The following NCAM1 variants were observed in gnomAD, a reference collection of about 807,000 sequenced individuals.
NCAM1 encodes the protein antigen recognized by monoclonal antibody 5.1H11.
In NCAM1, 14 loss-of-function variants were observed where a neutral mutation model predicts 109.8. The observed-to-expected ratio is 0.13, with a 90% CI of 0.08 to 0.20. The LOEUF is 0.20. Among genes scored for constraint, NCAM1 ranks in the 10% least tolerant of loss-of-function variants. NCAM1 has a pLI of 1.00. For synonymous variants in NCAM1, 418 were observed against 442.9 expected, an observed-to-expected ratio of 0.94 and a Z score of 0.70; for missense variants, 774 against 1,109.9, an observed-to-expected ratio of 0.70 and a Z score of 4.30.
rs1937622696 is a variant in NCAM1, at chr11:113,061,070, C to T, written c.52+99406C>T. 2.0e-5 allele frequency among the ~76,000 whole-genome samples: 3 copies of T among 152,162 alleles called. 1 individual carries two copies. In the South Asian group the frequency reaches 6.2e-4, roughly 32 times the overall value. On this transcript the variant is annotated intron_variant, in intron 1 of 19. Coordinates refer to ENST00000316851, the MANE Select transcript of NCAM1 (RefSeq NM_181351.5). ...TTTAATCAACACCTCTCCATTTCCT[C>T]CTCCCTACAACCCCTAGCCACTACC...
chr11:113,001,675 A>G (rs538898921), intron 1 of NCAM1, among the ~76,000 whole-genome samples: 1 of 152,186 alleles, frequency 6.6e-6, no homozygotes, highest in South Asian at 2.1e-4. Flanking sequence ...CTCATTTGCC[A>G]TTGTAGGCCG....
chr11:113,271,369 C>CAAAAAAAA (rs71060298), intron 18 of NCAM1, among the ~76,000 whole-genome samples: 11 of 66,878 alleles, frequency 1.6e-4, no homozygotes, highest in African/African-American at 3.2e-4. Context: ...GACTCTGTCT[C>CAAAAAAAA]AAAAAAAAAA....
intron 1 of NCAM1, among the ~76,000 whole-genome samples, chr11:113,001,576 G>T (rs567673838): frequency 6.6e-6 from 1 of 152,260 alleles, no homozygotes; most frequent in East Asian, 1.9e-4. Context: ...GGGTGTGTCT[G>T]GTTGTGAAGC....
intron 15 of NCAM1, among the ~76,000 whole-genome samples, chr11:113,254,448 T>C (rs2137562947): frequency 6.6e-6 from 1 of 152,338 alleles, no homozygotes; most frequent in African/African-American, 2.4e-5. Context: ...TGCACAGAGA[T>C]CACTGGAAGG....
intron 1 of NCAM1, among the ~76,000 whole-genome samples, chr11:113,044,617 G>A (rs1052992662): frequency 9.9e-5 from 15 of 151,984 alleles, no homozygotes; most frequent in African/African-American, 3.6e-4. Context: ...TCTGGGAGGC[G>A]GAGGTTGCAA....
chr11:112,970,218 A>T (rs1429929295), intron 1 of NCAM1, among the ~76,000 whole-genome samples: 1 of 152,190 alleles, frequency 6.6e-6, no homozygotes, highest in African/African-American at 2.4e-5. Context: ...GTTTAAGAGG[A>T]TAGTTAACAA....
chr11:113,252,235 G>A (rs1945700537), intron 15 of NCAM1, among the ~76,000 whole-genome samples: 1 of 152,188 alleles, frequency 6.6e-6, no homozygotes, highest in South Asian at 2.1e-4. Flanking sequence ...GTAACACAGT[G>A]AGACCCCATC....
intron 1 of NCAM1, among the ~76,000 whole-genome samples, chr11:113,160,278 T>C (rs991134967): frequency 6.6e-6 from 1 of 152,180 alleles, no homozygotes; most frequent in Non-Finnish European, 1.5e-5. Context: ...ATGAATGCAA[T>C]CATGGAGCTA....
At chr11:113,178,513 C>T (rs1943238110) in intron 1 of NCAM1, among the ~76,000 whole-genome samples, 1 of 152,216 alleles carries the variant, frequency 6.6e-6, no homozygotes, top group African/African-American at 2.4e-5. Context: ...GGTCTCGCCT[C>T]ATATCCGTGG....
In NCAM1 at chr11:113,030,098, A is replaced by G. The variant is rs999749788; in HGVS notation, c.52+68434A>G. On this transcript the variant is annotated intron_variant, in intron 1 of 19. Transcript: ENST00000316851. ...GGAGCACCAGAAGCTCTGTGACCCC[A>G]GGCAAGTTATTTAAAACTTTCTGCA... 2.6e-5 allele frequency among the ~76,000 whole-genome samples: 4 copies of G among 152,226 alleles called. No individual in the cohort carries two copies. The East Asian group carries it at 7.7e-4, about 29-fold the overall frequency.
At chr11:113,272,289 C>T (rs899072542) in intron 19 of NCAM1, among the ~76,000 whole-genome samples, 6 of 152,094 alleles carry the variant, frequency 3.9e-5, no homozygotes, top group African/African-American at 1.4e-4. Flanking sequence ...GTTCTCTGCC[C>T]CTCCTCTGTT....
intron 1 of NCAM1, among the ~76,000 whole-genome samples, chr11:113,175,213 T>G (rs1943109259): frequency 6.6e-6 from 1 of 152,210 alleles, no homozygotes; most frequent in Admixed American, 6.5e-5. Context: ...CACGAGGAGT[T>G]GATGGAAGCT....
intron 1 of NCAM1, among the ~76,000 whole-genome samples, chr11:112,980,048 G>C (rs2155284): frequency 0.45 from 68,345 of 151,444 alleles, 16,300 homozygotes; most frequent in East Asian, 0.8. Context: ...GAAAAATCCA[G>C]AGCTAACATA....
intron 1 of NCAM1, among the ~76,000 whole-genome samples, chr11:113,116,774 CTCTT>C (rs781875254): frequency 3.8e-4 from 58 of 151,728 alleles, no homozygotes; most frequent in Non-Finnish European, 6.0e-4. Flanking sequence ...CTTCAAGAGG[CTCTT>C]TCTATGTCCT....
intron 9 of NCAM1, among the ~76,000 whole-genome samples, chr11:113,224,492 A>C (rs1443510790): frequency 1.3e-5 from 2 of 152,096 alleles, no homozygotes; most frequent in Non-Finnish European, 2.9e-5. Flanking sequence ...CCTCTTGTAG[A>C]CTCCACCTCT....
At chr11:113,214,230 G>C in intron 7 of NCAM1, 139 bp from the exon 8 acceptor site, 2 of 781,466 alleles carry the variant, frequency 2.6e-6, no homozygotes, top group South Asian at 3.7e-5. Flanking sequence ...GGAGAGTCAG[G>C]TCTGCATCTC....
chr11:112,988,413 G>A (rs1951366739), intron 1 of NCAM1, among the ~76,000 whole-genome samples: 1 of 151,892 alleles, frequency 6.6e-6, no homozygotes, highest in Admixed American at 6.6e-5. Context: ...TTGTTAATTT[G>A]CTTTCTTTGT....
Position 113,185,068 on chromosome 11 carries a change from T to TATATATATATATATA in NCAM1, c.53-17311_53-17310insATATATATATATATA, listed in dbSNP as rs1555108634. ...TATGTGTATGTGTGTGCATTTATAT[T>TATATATATATATATA]TATATATATATAGAGAGAGAGAGAG... is the stretch of plus-strand genomic sequence containing the variant. On this transcript the variant is annotated intron_variant, in intron 1 of 19. Transcript: ENST00000316851. 8.5e-4 allele frequency among the ~76,000 whole-genome samples: 85 copies of TATATATATATATATA among 99,558 alleles called. 1 individual carries two copies. Among genetic ancestry groups the TATATATATATATATA allele is most frequent in the East Asian group, 4.5e-3 (12 of 2,664 alleles). The allele number at this position is 99,558 out of a possible 152,430, so 65.3% of individuals were successfully genotyped here.
At chr11:113,126,863 C>T (rs1358423269) in intron 1 of NCAM1, among the ~76,000 whole-genome samples, 3 of 152,206 alleles carry the variant, frequency 2.0e-5, no homozygotes, top group Non-Finnish European at 4.4e-5. Context: ...TGCCATAGTG[C>T]CCATTTATCC....
Sources: gnomAD v4.1 joint callset for allele counts (sites outside exome capture counted in the v4.1 genomes callset) on GRCh38, gnomAD v4.1.1 for gene constraint, MANE v1.5 for transcripts, NCBI Gene and HGNC (gene_info 2026-07-23, HGNC 2026-07-21) for gene names.